FGGY: variants seen among roughly 807,000 people sequenced by gnomAD.
FGGY encodes the protein FGGY carbohydrate kinase domain-containing protein.
In FGGY, 72 loss-of-function variants were observed where a neutral mutation model predicts 71.3. The ratio of observed to expected loss-of-function variants is 1.01; its 90% CI spans 0.84 to 1.23. The LOEUF (loss-of-function observed/expected upper bound fraction) is 1.23, where lower values mean the gene tolerates loss of function less well. Ranked by LOEUF, FGGY falls within the 50% of genes most tolerant of loss-of-function variation. FGGY has a pLI of 0.00. For missense variants in FGGY, 668 were observed against 682.3 expected (o/e 0.98, Z 0.23); for synonymous variants, 251 against 250.3 (o/e 1.00, Z -0.02).
intron 2 of FGGY, among the ~76,000 whole-genome samples, chr1:59,328,456 A>G (rs2047829412): frequency 6.6e-6 from 1 of 152,224 alleles, no homozygotes; most frequent in African/African-American, 2.4e-5. Context: ...GCTCTGGATT[A>G]AGCTTTGACT....
At chr1:59,759,342 C>G (rs1306730331) in intron 15 of FGGY, among the ~76,000 whole-genome samples, 1 of 152,106 alleles carries the variant, frequency 6.6e-6, no homozygotes, top group African/African-American at 2.4e-5. Flanking sequence ...ACAGGCATTG[C>G]GTAGGGGAGC....
chr1:59,387,438 TC>T (rs1403749621), intron 5 of FGGY, among the ~76,000 whole-genome samples: 1 of 152,204 alleles, frequency 6.6e-6, no homozygotes, highest in Non-Finnish European at 1.5e-5. Context: ...AATTAATTTT[TC>T]TTATATTTAT....
chr1:59,739,380 C>G (rs910312347), intron 14 of FGGY, among the ~76,000 whole-genome samples: 5 of 152,196 alleles, frequency 3.3e-5, no homozygotes, highest in African/African-American at 1.2e-4. Flanking sequence ...CACAGCCTCA[C>G]CTCACCTATC....
At chr1:59,304,877 A>C (rs1045534275) in intron 1 of FGGY, among the ~76,000 whole-genome samples, 1 of 152,110 alleles carries the variant, frequency 6.6e-6, no homozygotes, top group Admixed American at 6.5e-5. Context: ...TTGTTAGTGA[A>C]TAGAAATGCG....
intron 2 of FGGY, among the ~76,000 whole-genome samples, chr1:59,336,350 A>G (rs77591592): frequency 0.022 from 3,372 of 152,234 alleles, 141 homozygotes; most frequent in African/African-American, 0.077. Context: ...TACCAATACC[A>G]CATAAACTTA....
chr1:59,660,891 T>A (rs994266431), intron 12 of FGGY, among the ~76,000 whole-genome samples: 1 of 152,234 alleles, frequency 6.6e-6, no homozygotes, highest in Admixed American at 6.5e-5. Context: ...GAGGTGGCTA[T>A]GGATGGGCTA....
intron 6 of FGGY, among the ~76,000 whole-genome samples, chr1:59,506,471 G>T (rs555673201): frequency 6.6e-6 from 1 of 152,186 alleles, no homozygotes; most frequent in Non-Finnish European, 1.5e-5. Flanking sequence ...GTGGGATTCT[G>T]ACCAGATTTA....
At chr1:59,381,510 A>G (rs1421230709) in intron 5 of FGGY, among the ~76,000 whole-genome samples, 1 of 152,124 alleles carries the variant, frequency 6.6e-6, no homozygotes, top group Non-Finnish European at 1.5e-5. Context: ...ACACAGGGTC[A>G]GGATCATCAA....
At chr1:59,410,489 A>G (rs2063451642) in intron 5 of FGGY, among the ~76,000 whole-genome samples, 1 of 152,224 alleles carries the variant, frequency 6.6e-6, no homozygotes, top group African/African-American at 2.4e-5. Flanking sequence ...CTTTCCACTC[A>G]GTATATGGGA....
At chr1:59,586,074 A>G (rs2096280581) in intron 8 of FGGY, among the ~76,000 whole-genome samples, 3 of 152,234 alleles carry the variant, frequency 2.0e-5, no homozygotes, top group African/African-American at 4.8e-5. Flanking sequence ...ACTGTAAACT[A>G]GTTGAACCAT....
At chr1:59,672,232 C>T (rs150812553) in intron 13 of FGGY, among the ~76,000 whole-genome samples, 2 of 152,314 alleles carry the variant, frequency 1.3e-5, no homozygotes, top group African/African-American at 4.8e-5. Flanking sequence ...GTCCCTTCCC[C>T]ACTTATCCAG....
chr1:59,669,426 C>G (rs1322856846), intron 13 of FGGY, among the ~76,000 whole-genome samples: 1 of 151,730 alleles, frequency 6.6e-6, no homozygotes, highest in Non-Finnish European at 1.5e-5. Context: ...GCCCAGATTG[C>G]CTTATAATTG....
At chr1:59,698,877 T>G in intron 14 of FGGY, 1 of 985,422 alleles carries the variant, frequency 1.0e-6, no homozygotes, top group Non-Finnish European at 1.2e-6. Flanking sequence ...GAAACTGAAT[T>G]GTACATGTCG....
intron 5 of FGGY, among the ~76,000 whole-genome samples, chr1:59,446,732 C>T (rs1040591169): frequency 6.6e-5 from 10 of 152,174 alleles, no homozygotes; most frequent in African/African-American, 2.4e-4. Context: ...AATTTATCCC[C>T]ACTCTCAGCT....
chr1:59,612,868 T>G (rs1263199392), intron 9 of FGGY, among the ~76,000 whole-genome samples: 1 of 152,054 alleles, frequency 6.6e-6, no homozygotes, highest in Non-Finnish European at 1.5e-5. Flanking sequence ...TAAAACAGAC[T>G]TTAAACCAAC....
In FGGY at chr1:59,550,604, G is replaced by A. The variant is rs373562876; in HGVS notation, c.800-3520G>A. ...GTATATACTGAGAATGGCTGAGGAA[G>A]GACCTCCATTTGTAATTCATTTCTC... is the stretch of plus-strand genomic sequence containing the variant. On this transcript the variant is annotated intron_variant, in intron 7 of 15. Transcript: ENST00000303721. Among the ~76,000 whole-genome samples, 9 of 152,134 alleles carry A rather than the reference G, an allele frequency of 5.9e-5. No individual in the cohort carries two copies. The East Asian group carries it at 1.5e-3, about 26-fold the overall frequency.
rs944891653 is a variant in FGGY, at chr1:59,584,559, T to A, written c.904-23244T>A. ...CTATCTATGACAAACCCACAGCCAA[T>A]ATCATACTGAATGGGCAAAAACTGG... is the stretch of plus-strand genomic sequence containing the variant. On this transcript the variant is annotated intron_variant, in intron 8 of 15. Coordinates refer to ENST00000303721, the MANE Select transcript of FGGY (RefSeq NM_018291.5). Among the ~76,000 whole-genome samples the A allele has an allele frequency of 3.9e-4, 59 of 149,870 alleles. 4 individuals are homozygous for A. The highest frequency in any genetic ancestry group is 1.0e-4 in the Non-Finnish European group (7 of 67,916).
chr1:59,735,888 G>T (rs1487795449), intron 14 of FGGY, among the ~76,000 whole-genome samples: 4 of 152,124 alleles, frequency 2.6e-5, no homozygotes, highest in Non-Finnish European at 5.9e-5. Context: ...CTCAGGAGCT[G>T]GGAAAAGGGA....
At chr1:59,603,055 A>C (rs1434654378) in intron 8 of FGGY, among the ~76,000 whole-genome samples, 1 of 152,228 alleles carries the variant, frequency 6.6e-6, no homozygotes, top group African/African-American at 2.4e-5. Flanking sequence ...TATATCAGAC[A>C]CAAAGAGTAC....
Sources: allele counts gnomAD v4.1 joint callset (sites outside exome capture counted in the v4.1 genomes callset), GRCh38; gene constraint gnomAD v4.1.1; transcripts MANE v1.5; gene names NCBI Gene and HGNC (gene_info 2026-07-23, HGNC 2026-07-21).